Variants in TTN observed in about 807,000 individuals in gnomAD.
TTN encodes the protein connectin.
Under a neutral mutation model 3,223.0 loss-of-function variants are expected in TTN, and 1,525 were observed. The ratio of observed to expected loss-of-function variants is 0.47; its 90% CI spans 0.45 to 0.49. The LOEUF is 0.49. Among genes scored for constraint, TTN ranks in the 20% least tolerant of loss-of-function variants. TTN has a pLI of 0.00. For missense variants in TTN, 40,786 were observed against 43,424.0 expected (o/e 0.94, Z 5.40); for synonymous variants, 14,094 against 15,161.0 (o/e 0.93, Z 5.17).
At position 178,546,066 on chromosome 2, in the gene TTN, T is replaced by G. The variant is rs1322640877; in HGVS notation, c.95170A>C (p.Lys31724Gln). 1 of 1,613,428 alleles carries G rather than the reference T, an allele frequency of 6.2e-7. No homozygotes were observed. Among genetic ancestry groups the G allele is most frequent in the Non-Finnish European group, 8.5e-7 (1 of 1,179,542 alleles). ...GGAAGGCTCCAGGCTAAAGTGCACT[T>G]CTCCTGTGTTACTCTGCTGACGGTG... ...KLTVSRVTQE[K>Q]CTLAWSLPQE... Residue 31724 changes from lysine (K) to glutamine (Q), a missense_variant, in exon 343 of 363, where the codon AAG becomes CAG. Coordinates refer to ENST00000589042, the MANE Select transcript of TTN (RefSeq NM_001267550.2).
At position 178,657,802 on chromosome 2, in the gene TTN, AT is replaced by A. The variant is rs1200849896; in HGVS notation, c.37874-36del. On this transcript the variant is annotated intron_variant, in intron 187 of 362. Coordinates refer to ENST00000589042, the MANE Select transcript of TTN (RefSeq NM_001267550.2). Reference sequence around the variant, plus strand: ...TATTAGTAGTTTTTCACTTAGGTTAATGAGACAAATGGAGTAAAATATTTCT... The same window carrying A: ...TATTAGTAGTTTTTCACTTAGGTTAAGAGACAAATGGAGTAAAATATTTCT... 3 of 706,688 alleles carry A rather than the reference AT, an allele frequency of 4.2e-6. 1 individual carries two copies. Among genetic ancestry groups the A allele is most frequent in the Non-Finnish European group, 6.3e-6 (3 of 476,484 alleles). The allele number at this position is 706,688 out of a possible 1,614,324, so 43.8% of individuals were successfully genotyped here. A position where few individuals can be genotyped will look rare whatever the true frequency, so the allele number is the denominator to read the frequency against.
In TTN at chr2:178,773,619, G is replaced by A. The variant is rs2062572565; in HGVS notation, c.7437C>T (p.Tyr2479=). 2.5e-6 allele frequency: 4 copies of A among 1,613,970 alleles called. No homozygotes were observed. The highest frequency in any genetic ancestry group is 3.3e-4 in the Middle Eastern group (2 of 6,062). ...CAGGCTTGATTTGTTCATCATTTAA[G>A]TACCACTTAACAGAAGTCACATCAG... ...SVPDVTSVKW[Y]LNDEQIKPDD... Residue 2479 remains tyrosine, a synonymous_variant, in exon 32 of 363, where the codon TAC becomes TAT. Transcript: ENST00000589042.
intron 349 of TTN, 83 bp downstream of exon 349, chr2:178,542,181 T>C (rs1694905465): frequency 7.4e-7 from 1 of 1,348,054 alleles, no homozygotes; most frequent in Non-Finnish European, 1.0e-6. Context: ...TTATTTACAT[T>C]AGGGCATATT....
Position 178,789,999 on chromosome 2 carries a change from T to A in TTN, c.1917A>T (p.Gln639His), listed in dbSNP as rs1297074430. 1 of 1,613,058 alleles carries A rather than the reference T, an allele frequency of 6.2e-7. No individual in the cohort carries two copies. The highest frequency in any genetic ancestry group is 8.5e-7 in the Non-Finnish European group (1 of 1,179,426). Residue 639 changes from glutamine to histidine, a missense_variant, in exon 12 of 363, where the codon CAA becomes CAT. Transcript: ENST00000589042. Reference sequence around the variant, plus strand: ...TCACCTTCTCCTGAGTTATTTGCACTTGTTCTCTTTTGGTAGTAATGCCTT... The same window carrying A: ...TCACCTTCTCCTGAGTTATTTGCACATGTTCTCTTTTGGTAGTAATGCCTT... ...GREGITTKREQVQITQEKMRK... is the reference protein window; with the variant it reads ...GREGITTKREHVQITQEKMRK...
chr2:178,632,105 T>C lies in TTN; in HGVS notation c.43747+42A>G, dbSNP rs760214880. The C allele has an allele frequency of 2.0e-6, 3 of 1,507,476 alleles. No individual in the cohort carries two copies. In the East Asian group the frequency reaches 7.1e-5, roughly 36 times the overall value. The allele number at this position is 1,507,476 out of a possible 1,614,324, so 93.4% of individuals were successfully genotyped here. On this transcript the variant is annotated intron_variant, in intron 236 of 362. Transcript: ENST00000589042. Reference sequence around the variant, plus strand: ...AGAATAGATACTCCACAAATTTCTGTTGAATTTAATGCAGTAAAATTAAAA... The same window carrying C: ...AGAATAGATACTCCACAAATTTCTGCTGAATTTAATGCAGTAAAATTAAAA...
Position 178,644,490 on chromosome 2 carries a change from G to A in TTN, c.40477+58C>T, listed in dbSNP as rs2061629283. On this transcript the variant is annotated intron_variant, in intron 218 of 362. Transcript: ENST00000589042. ...AGAACATTCGATGGAGGCAGAAAGA[G>A]CAAGGAGTCAGGTAAAGGGGTACTA... The A allele has an allele frequency of 8.6e-6, 11 of 1,276,540 alleles. No individual in the cohort carries two copies. In the South Asian group the frequency reaches 1.7e-4, roughly 19 times the overall value. The allele number at this position is 1,276,540 out of a possible 1,614,324, so 79.1% of individuals were successfully genotyped here. A position where few individuals can be genotyped will look rare whatever the true frequency, so the allele number is the denominator to read the frequency against.
rs1268811847 is a variant in TTN, at chr2:178,535,583, C to G, written c.101032G>C (p.Asp33678His). The change falls in exon 358 of 363, where the codon GAT (aspartate) becomes CAT (histidine). Residue 33678 changes from aspartate (D) to histidine (H), a missense_variant. Asp to His is a moderately conservative substitution (Grantham distance 81). Coordinates refer to ENST00000589042, the MANE Select transcript of TTN (RefSeq NM_001267550.2). ...VVCAKNRFGI[D>H]QKTVELDVAD... ...ACATCCAGTTCAACTGTCTTCTGAT[C>G]AATTCCAAATCTGTTTTTAGCACAG... 1 of 1,613,732 alleles carries G rather than the reference C, an allele frequency of 6.2e-7. No homozygotes were observed. The highest frequency in any genetic ancestry group is 8.5e-7 in the Non-Finnish European group (1 of 1,179,832).
chr2:178,634,931 A>T lies in TTN; in HGVS notation c.42025-82T>A, dbSNP rs2060244773. ...GTGTTTCAGATACAAATTTCTATAG[A>T]GTTTTAAAAATTACTACTAATAAAA... On this transcript the variant is annotated intron_variant, in intron 228 of 362. Coordinates refer to ENST00000589042, the MANE Select transcript of TTN (RefSeq NM_001267550.2). This position sits in a 1 kb window ranked among gnomAD's most constrained non-coding sequence, Gnocchi z 4.6. The T allele has an allele frequency of 6.7e-7, 1 of 1,485,808 alleles. No individual in the cohort carries two copies. The highest frequency in any genetic ancestry group is 2.4e-5 in the East Asian group (1 of 42,384). The allele number at this position is 1,485,808 out of a possible 1,614,324, so 92.0% of individuals were successfully genotyped here.
rs1223602495 is a variant in TTN at position 178,707,673 on chromosome 2, G to A, written c.28894C>T (p.Pro9632Ser). The A allele has an allele frequency of 5.6e-6, 9 of 1,613,798 alleles. No homozygotes were observed. The highest frequency in any genetic ancestry group is 7.6e-6 in the Non-Finnish European group (9 of 1,179,852). Residue 9632 changes from proline to serine, a missense_variant, in exon 100 of 363, where the codon CCT (proline) becomes TCT (serine). Pro to Ser is a moderately conservative substitution (Grantham distance 74). Transcript: ENST00000589042. ...QWLKAGREIK[P>S]SDRCSFSFAS... ...AAGCTGAAGCTGCATCTGTCTGAAG[G>A]CTTTATTTCCCTGCCAGCCTTCAAC...
intron 100 of TTN, among the ~76,000 whole-genome samples, chr2:178,707,299 T>G (rs902930625): frequency 2.0e-5 from 3 of 152,228 alleles, no homozygotes; most frequent in Non-Finnish European, 4.4e-5. Context: ...TGAAAAGAAG[T>G]TCAAGAAATA....
In TTN at chr2:178,776,073, G is replaced by A; in HGVS notation, c.5791C>T (p.Gln1931Ter). 1.2e-6 allele frequency: 2 copies of A among 1,614,156 alleles called. No homozygotes were observed. The highest frequency in any genetic ancestry group is 1.7e-6 in the Non-Finnish European group (2 of 1,179,998). ...AGGACAGACCTAAAATCTTCCCTCT[G>A]TTGAATCTCAAGCTTCACTTTATGC... Reference protein sequence around the residue: ...IEHKVKLEIQQREDFRSVLRR... With the variant: ...IEHKVKLEIQ Residue 1931 changes from glutamine to a stop codon, truncating the protein, a stop_gained, in exon 28 of 363, where the codon CAG becomes TAG. Transcript: ENST00000589042. LOFTEE classifies it high-confidence loss of function.
chr2:178,532,158 G>A lies in TTN; in HGVS notation c.104457C>T (p.Tyr34819=), dbSNP rs548677252. ...CTCTTTGAGCATGTTTTGAGATTTC[G>A]TATTCTTCCTCAATTTCTGTTATTT... ...VTEITEIEEE[Y]EISKHAQRES... Residue 34819 remains tyrosine (Y), a synonymous_variant, in exon 358 of 363, where the codon TAC becomes TAT. Coordinates refer to ENST00000589042, the MANE Select transcript of TTN (RefSeq NM_001267550.2). 79 of 1,613,698 alleles carry A rather than the reference G, an allele frequency of 4.9e-5. No individual in the cohort carries two copies. The South Asian group carries it at 4.9e-4, about 10-fold the overall frequency.
rs1003730939 is a variant in TTN, at chr2:178,561,035, A to G, written c.85097T>C (p.Val28366Ala). 1 of 1,613,870 alleles carries G rather than the reference A, an allele frequency of 6.2e-7. No individual in the cohort carries two copies. Among genetic ancestry groups the G allele is most frequent in the Non-Finnish European group, 8.5e-7 (1 of 1,179,808 alleles). Residue 28366 changes from valine to alanine, a missense_variant, in exon 326 of 363, where the codon GTT (valine) becomes GCT (alanine). Coordinates refer to ENST00000589042, the MANE Select transcript of TTN (RefSeq NM_001267550.2). ...GACCTCTCCAGCTTTGACAACAATA[A>G]CGTCTCGGAACTTGACATCCATCAT... ...RVMMDVKFRD[V>A]IVVKAGEVLK...
In TTN at chr2:178,528,271, T is replaced by C; in HGVS notation, c.107377+3A>G. ...TAAGGAAGAAGGGTGAGGAGATACT[T>C]ACGAAGGACCATTAAGGAAGCTGTA... On this transcript the variant is annotated splice_donor_region_variant and intron_variant, in intron 361 of 362. Transcript: ENST00000589042. 1.2e-6 allele frequency: 2 copies of C among 1,613,488 alleles called. No homozygotes were observed. The highest frequency in any genetic ancestry group is 1.7e-6 in the Non-Finnish European group (2 of 1,179,658).
chr2:178,628,107 T>G (rs915573748), intron 240 of TTN, among the ~76,000 whole-genome samples: 1 of 152,064 alleles, frequency 6.6e-6, no homozygotes, highest in Non-Finnish European at 1.5e-5. Context: ...CAAGAAGATC[T>G]TATTATCTGT....
Position 178,741,438 on chromosome 2 carries a change from A to AGCT in TTN, c.11792_11794dup (p.Lys3931_Leu3932insGln). The AGCT allele has an allele frequency of 6.2e-7, 1 of 1,613,888 alleles. No individual in the cohort carries two copies. Among genetic ancestry groups the AGCT allele is most frequent in the African/African-American group, 1.3e-5 (1 of 75,056 alleles). On this transcript the variant is annotated inframe_insertion, in exon 48 of 363. Coordinates refer to ENST00000589042, the MANE Select transcript of TTN (RefSeq NM_001267550.2). ...GAAGTGAGGAGGACAAGGACCTCCC[A>AGCT]GCTTTTCCAGAGATTTTGCCACTGC...
At chr2:178,624,186 A>G (rs1168782927) in intron 242 of TTN, among the ~76,000 whole-genome samples, 1 of 151,978 alleles carries the variant, frequency 6.6e-6, no homozygotes, top group East Asian at 1.9e-4. Flanking sequence ...GGCTGACCCC[A>G]TGTAGACAAA....
rs138197870 is a variant in TTN at position 178,552,246 on chromosome 2, T to C, written c.90654A>G (p.Thr30218=). 1.9e-6 allele frequency: 3 copies of C among 1,613,544 alleles called. No homozygotes were observed. In the African/African-American group the frequency reaches 4.0e-5, roughly 22 times the overall value. Residue 30218 remains threonine, a synonymous_variant, in exon 335 of 363, where the codon ACA becomes ACG. Transcript: ENST00000589042. ...TTGATGGTGGGCCAAGGGTGATGACTGTAATGGGGACTGCAATTCTACACA... is the reference window on the plus strand; with the variant it reads ...TTGATGGTGGGCCAAGGGTGATGACCGTAATGGGGACTGCAATTCTACACA... ...NAVCRIAVPI[T]VITLGPPSKP...
In TTN at chr2:178,651,244, T is replaced by G. The variant is rs978104079; in HGVS notation, c.39624A>C (p.Lys13208Asn). The change falls in exon 208 of 363, where the codon AAA becomes AAC. Residue 13208 changes from lysine to asparagine, a missense_variant and splice_region_variant. Physicochemically the swap from Lys to Asn is moderately conservative, Grantham distance 94. Coordinates refer to ENST00000589042, the MANE Select transcript of TTN (RefSeq NM_001267550.2). ...VPKKPEVPPA[K>N]VPEVPKKPVL... ...CAGAATCTCATTAGTGACATGTACC[T>G]TTTGCTGGTGGGACTTCTGGCTTTT... 6.2e-7 allele frequency: 1 copy of G among 1,612,458 alleles called. No homozygotes were observed. Among genetic ancestry groups the G allele is most frequent in the Non-Finnish European group, 8.5e-7 (1 of 1,178,888 alleles).
Sources: gnomAD v4.1 joint callset for allele counts (sites outside exome capture counted in the v4.1 genomes callset) on GRCh38, gnomAD v4.1.1 for gene constraint, Gnocchi (gnomAD v3.1) non-coding constraint, MANE v1.5 for transcripts, NCBI Gene and HGNC (gene_info 2026-07-23, HGNC 2026-07-21) for gene names.